The following GRIN2B variants were observed in gnomAD, a reference collection of about 807,000 sequenced individuals.
GRIN2B encodes glutamate ionotropic receptor NMDA type subunit 2B.
GRIN2B carries 5 observed loss-of-function variants against 114.5 expected under a neutral mutation model. The ratio of observed to expected loss-of-function variants is 0.04; its 90% CI spans 0.02 to 0.09. The LOEUF (loss-of-function observed/expected upper bound fraction) is 0.09. Ranked by LOEUF, GRIN2B falls within the 10% of genes least tolerant of loss-of-function variation. The pLI is 1.00. For synonymous variants in GRIN2B, 787 were observed against 745.1 expected (o/e 1.06, Z -0.92); for missense variants, 1,108 against 1,943.5 (o/e 0.57, Z 8.08).
intron 4 of GRIN2B, among the ~76,000 whole-genome samples, chr12:13,688,163 G>A (rs1393016191): frequency 6.6e-6 from 1 of 152,080 alleles, no homozygotes; most frequent in African/African-American, 2.4e-5. Flanking sequence ...AATGCCCCAC[G>A]CTAAGAACAA....
intron 3 of GRIN2B, among the ~76,000 whole-genome samples, chr12:13,755,559 G>A (rs1863562189): frequency 6.6e-6 from 1 of 152,184 alleles, no homozygotes; most frequent in African/African-American, 2.4e-5. Flanking sequence ...GGAAAGCAGG[G>A]AGGGTGAGGC....
chr12:13,615,553 C>A lies in GRIN2B; in HGVS notation c.1440G>T (p.Leu480=). The A allele has an allele frequency of 6.2e-7, 1 of 1,613,204 alleles. No individual in the cohort carries two copies. Among genetic ancestry groups the A allele is most frequent in the Non-Finnish European group, 8.5e-7 (1 of 1,179,212 alleles). Residue 480 remains leucine (L), a synonymous_variant, in exon 7 of 14, where the codon CTG becomes CTT. Coordinates refer to ENST00000609686, the MANE Select transcript of GRIN2B (RefSeq NM_000834.5). This position sits in a 1 kb window ranked among gnomAD's most constrained non-coding sequence, Gnocchi z 5.8. ...KSVKFTYDLY[L]VTNGKHGKKI... ...TCTTCCCATGCTTGCCATTGGTAACCAGGTAAAGGTCATAGGTGAACTTCA... is the reference window on the plus strand; with the variant it reads ...TCTTCCCATGCTTGCCATTGGTAACAAGGTAAAGGTCATAGGTGAACTTCA...
rs531618795 is a variant in GRIN2B at position 13,737,044 on chromosome 12, A to AAAG, written c.1010+16270_1010+16272dup. ...AAACTCCATCTCAAAAAAAAAAAAA[A>AAAG]AAGAAGAAGAAAAAGAACATGCAAC... On this transcript the variant is annotated intron_variant, in intron 4 of 13. Coordinates refer to ENST00000609686, the MANE Select transcript of GRIN2B (RefSeq NM_000834.5). Among the ~76,000 whole-genome samples, 114 of 145,788 alleles carry AAAG rather than the reference A, an allele frequency of 7.8e-4. 2 individuals are homozygous for AAAG. The highest frequency in any genetic ancestry group is 2.8e-3 in the East Asian group (14 of 4,928).
chr12:13,605,520 G>GTC (rs3081918), intron 10 of GRIN2B, among the ~76,000 whole-genome samples: 16,615 of 114,812 alleles, frequency 0.14, 1,369 homozygotes, highest in Non-Finnish European at 0.18. Context: ...GGTCTTGAAA[G>GTC]TCTCTCTCTC....
chr12:13,587,339 T>C (rs550565511), intron 10 of GRIN2B, among the ~76,000 whole-genome samples: 2 of 150,656 alleles, frequency 1.3e-5, no homozygotes, highest in Admixed American at 1.3e-4. Flanking sequence ...CTTTTCTTTT[T>C]ATTTCTTTTT....
intron 3 of GRIN2B, among the ~76,000 whole-genome samples, chr12:13,806,629 GA>G (rs1374476477): frequency 6.6e-6 from 1 of 151,990 alleles, no homozygotes; most frequent in African/African-American, 2.4e-5. Context: ...ACCTTTATTA[GA>G]TGTATGATTT....
chr12:13,810,066 C>G (rs911055227), intron 3 of GRIN2B, among the ~76,000 whole-genome samples: 3 of 152,150 alleles, frequency 2.0e-5, no homozygotes, highest in Non-Finnish European at 4.4e-5. Context: ...TCCTACCCTC[C>G]GGGTTTTTGC....
In GRIN2B at chr12:13,611,763, C is replaced by G; in HGVS notation, c.1742G>C (p.Ser581Thr). Reference protein sequence around the residue: ...AVAVFVFEYFSPVGYNRCLAD... With the variant: ...AVAVFVFEYFTPVGYNRCLAD... Reference sequence around the variant, plus strand: ...GAGGCACCTGTTATAACCCACAGGGCTGAAGTACTCAAAGACAAAGACAGC... The same window carrying G: ...GAGGCACCTGTTATAACCCACAGGGGTGAAGTACTCAAAGACAAAGACAGC... Residue 581 changes from serine to threonine, a missense_variant, in exon 9 of 14, where the codon AGC (serine) becomes ACC (threonine). Physicochemically the swap from Ser to Thr is moderately conservative, Grantham distance 58. Around this residue, in one of 19 missense-constraint regions of GRIN2B, gnomAD observed 24 missense variants for 38.1 expected, o/e 0.63. Coordinates refer to ENST00000609686, the MANE Select transcript of GRIN2B (RefSeq NM_000834.5). 1 of 1,613,812 alleles carries G rather than the reference C, an allele frequency of 6.2e-7. No individual in the cohort carries two copies. Among genetic ancestry groups the G allele is most frequent in the Non-Finnish European group, 8.5e-7 (1 of 1,179,686 alleles).
intron 5 of GRIN2B, among the ~76,000 whole-genome samples, chr12:13,647,393 C>T (rs567325893): frequency 1.1e-4 from 16 of 152,194 alleles, no homozygotes; most frequent in African/African-American, 3.9e-4. Context: ...CTTAAGTCCT[C>T]CTGAAGCCCA....
intron 2 of GRIN2B, among the ~76,000 whole-genome samples, chr12:13,911,152 G>C (rs962615384): frequency 1.3e-5 from 2 of 151,882 alleles, no homozygotes; most frequent in Non-Finnish European, 2.9e-5. Context: ...TTGGAAAAAA[G>C]ACTGTACCTA....
At chr12:13,869,752 A>G (rs1311455391) in intron 2 of GRIN2B, among the ~76,000 whole-genome samples, 1 of 152,286 alleles carries the variant, frequency 6.6e-6, no homozygotes. Flanking sequence ...GAGTGAATGA[A>G]TGAATGAATG....
chr12:13,843,247 G>A lies in GRIN2B; in HGVS notation c.411+22551C>T, dbSNP rs537680488. On this transcript the variant is annotated intron_variant, in intron 3 of 13. Transcript: ENST00000609686. ...ATACACATCACACACACACACACTC[G>A]CACAGACACACACACAAATACTCAC... Among the ~76,000 whole-genome samples the A allele has an allele frequency of 9.5e-4, 143 of 150,600 alleles. 2 individuals are homozygous for A. Among genetic ancestry groups the A allele is most frequent in the Admixed American group, 6.1e-3 (92 of 15,072 alleles).
At chr12:13,587,572 C>T (rs548312334) in intron 10 of GRIN2B, among the ~76,000 whole-genome samples, 1 of 152,180 alleles carries the variant, frequency 6.6e-6, no homozygotes, top group South Asian at 2.1e-4. Flanking sequence ...CCAGCCTGGT[C>T]TCAAACTCCT....
chr12:13,791,270 T>A (rs2136664869), intron 3 of GRIN2B, among the ~76,000 whole-genome samples: 1 of 151,928 alleles, frequency 6.6e-6, no homozygotes, highest in Non-Finnish European at 1.5e-5. Flanking sequence ...GAGACCATGG[T>A]GAAACCCCGT....
chr12:13,744,857 G>C (rs923248815), intron 4 of GRIN2B, among the ~76,000 whole-genome samples: 1 of 152,146 alleles, frequency 6.6e-6, no homozygotes, highest in Non-Finnish European at 1.5e-5. Context: ...TCTGAAAGCC[G>C]AGGGAAGGTT....
chr12:13,926,658 A>G (rs1400224338), intron 2 of GRIN2B, among the ~76,000 whole-genome samples: 1 of 152,192 alleles, frequency 6.6e-6, no homozygotes, highest in African/African-American at 2.4e-5. Context: ...GCATTTTTAA[A>G]AAGACAAATT....
chr12:13,637,506 T>A (rs1052499772), intron 5 of GRIN2B, among the ~76,000 whole-genome samples: 12 of 152,146 alleles, frequency 7.9e-5, no homozygotes, highest in African/African-American at 2.9e-4. Flanking sequence ...AGATATTCCA[T>A]CACCAGTAAA....
chr12:13,980,656 A>AG (rs1253419665), intron 1 of GRIN2B, among the ~76,000 whole-genome samples: 4 of 151,062 alleles, frequency 2.6e-5, no homozygotes, highest in Non-Finnish European at 3.0e-5. Context: ...GGAAGGAGGA[A>AG]GGGGGGGAGA....
intron 5 of GRIN2B, among the ~76,000 whole-genome samples, chr12:13,636,357 G>T (rs2136502637): frequency 6.6e-6 from 1 of 152,272 alleles, no homozygotes; most frequent in Middle Eastern, 3.4e-3. Flanking sequence ...TAAGGCTTTG[G>T]GTATTCTGTA....
Sources: gnomAD v4.1 joint callset for allele counts (sites outside exome capture counted in the v4.1 genomes callset) on GRCh38, gnomAD v4.1.1 for gene constraint, gnomAD v4.1.1 regional missense constraint, Gnocchi (gnomAD v3.1) non-coding constraint, MANE v1.5 for transcripts, NCBI Gene and HGNC (gene_info 2026-07-23, HGNC 2026-07-21) for gene names.